Variants in FRMPD4 observed in about 807,000 individuals in gnomAD.
FRMPD4 encodes FERM and PDZ domain containing 4, also known as FERM and PDZ domain-containing protein 4.
In FRMPD4, 22 loss-of-function variants were observed where a neutral mutation model predicts 94.1. That is an observed-to-expected ratio of 0.23 (90% confidence interval 0.17 to 0.33). The LOEUF is 0.33. Ranked by LOEUF, FRMPD4 falls within the 10% of genes least tolerant of loss-of-function variation. FRMPD4 has a pLI of 1.00. For synonymous variants in FRMPD4, 631 were observed against 548.6 expected, an observed-to-expected ratio of 1.15 and a Z score of -2.10; for missense variants, 1,111 against 1,339.9, an observed-to-expected ratio of 0.83 and a Z score of 2.67.
Position 12,704,398 on chromosome X carries a change from G to A in FRMPD4, c.1110G>A (p.Val370=), listed in dbSNP as rs1218276897. 2 of 1,183,616 alleles carry A rather than the reference G, an allele frequency of 1.7e-6. No homozygotes were observed. Residue 370 remains valine, a synonymous_variant, in exon 11 of 17, where the codon GTG becomes GTA. Transcript: ENST00000675598. The part of the protein sequence containing the change: ...WGLETFLPSA[V]LQSMKEKNIK... ...TAGAGACTTTTCTTCCCTCTGCTGT[G>A]CTGCAAAGCATGAAAGAGAAGAACA... is the stretch of plus-strand genomic sequence containing the variant.
chrX:12,029,059 T>G (rs1303281830), intron 3 of FRMPD4, among the ~76,000 whole-genome samples: 1 of 112,338 alleles, frequency 8.9e-6, no homozygotes, highest in Non-Finnish European at 1.9e-5. Context: ...ACTGCTAAAC[T>G]GTCTTCCAAA....
chrX:11,882,549 G>T (rs1171616361), intron 3 of FRMPD4, among the ~76,000 whole-genome samples: 1 of 111,527 alleles, frequency 9.0e-6, no homozygotes, highest in Non-Finnish European at 1.9e-5. Flanking sequence ...CATGTGACAG[G>T]TCGCAGTAAA....
rs1220591699 is a variant in FRMPD4 at position 12,050,655 on chromosome X, G to T, written c.95+172637G>T. On this transcript the variant is annotated intron_variant, in intron 3 of 18. Transcript: ENST00000640291. ...CCATTTCTTTTTTACCCTATTAGTT[G>T]TTTCTAATTTTGAGGGGTTTATTCT... Among the ~76,000 whole-genome samples the T allele has an allele frequency of 2.7e-5, 3 of 109,960 alleles. No individual in the cohort carries two copies. In the Admixed American group the frequency reaches 2.9e-4, roughly 11 times the overall value.
In FRMPD4 at chrX:12,718,688, C is replaced by T. The variant is rs757533408; in HGVS notation, c.3862C>T (p.Arg1288Trp). 13 of 1,207,384 alleles carry T rather than the reference C, an allele frequency of 1.1e-5. No homozygotes were observed. The highest frequency in any genetic ancestry group is 5.9e-5 in the East Asian group (2 of 33,823). The change falls in exon 16 of 17, where the codon CGG becomes TGG. Residue 1288 changes from arginine (R) to tryptophan (W), a missense_variant. By Grantham distance (101) the Arg-to-Trp change is moderately radical. Transcript: ENST00000675598. ...LHPQTEGMCP[R>W]MTVPALHTAI... is the part of the protein sequence containing the mutation. Reference sequence around the variant, plus strand: ...CCCACAGACAGAAGGGATGTGTCCACGGATGACAGTGCCTGCTCTGCACAC... The same window carrying T: ...CCCACAGACAGAAGGGATGTGTCCATGGATGACAGTGCCTGCTCTGCACAC...
At chrX:12,234,625 A>C (rs1336483222) in intron 1 of FRMPD4, among the ~76,000 whole-genome samples, 1 of 111,976 alleles carries the variant, frequency 8.9e-6, no homozygotes, top group Non-Finnish European at 1.9e-5. Context: ...GAATGATGCC[A>C]ACCACCTCCA....
At chrX:12,463,153 A>G (rs139007190) in intron 1 of FRMPD4, among the ~76,000 whole-genome samples, 234 of 111,897 alleles carry the variant, frequency 2.1e-3, no homozygotes, top group Middle Eastern at 0.014. Context: ...TCTTTCTACA[A>G]ATTTAATCAG....
chrX:12,155,458 G>T (rs997871339), intron 1 of FRMPD4, among the ~76,000 whole-genome samples: 1 of 108,989 alleles, frequency 9.2e-6, no homozygotes. Flanking sequence ...GCCACTTTAG[G>T]GTTGGTAAAC....
At chrX:11,985,233 G>A (rs1446694936) in intron 3 of FRMPD4, among the ~76,000 whole-genome samples, 1 of 111,945 alleles carries the variant, frequency 8.9e-6, no homozygotes, top group East Asian at 2.8e-4. Flanking sequence ...AGGGCACCAG[G>A]GCAGAGTTGT....
chrX:12,514,408 T>C (rs2058075268), intron 2 of FRMPD4, among the ~76,000 whole-genome samples: 1 of 111,915 alleles, frequency 8.9e-6, no homozygotes, highest in Non-Finnish European at 1.9e-5. Flanking sequence ...ACCTAGCTTA[T>C]TGAGAGTTTT....
intron 3 of FRMPD4, among the ~76,000 whole-genome samples, chrX:11,920,215 T>C (rs767140357): frequency 1.8e-5 from 2 of 112,236 alleles, no homozygotes; most frequent in Non-Finnish European, 3.8e-5. Context: ...CATTTTTTCA[T>C]TTTTTTCACT....
chrX:11,943,489 C>T (rs941841047), intron 3 of FRMPD4, among the ~76,000 whole-genome samples: 4 of 110,492 alleles, frequency 3.6e-5, no homozygotes, highest in South Asian at 3.9e-4. Flanking sequence ...CTGCATTATC[C>T]CATGGCGGAA....
chrX:12,704,820 T>C (rs1238282818), intron 11 of FRMPD4, among the ~76,000 whole-genome samples: 1 of 112,214 alleles, frequency 8.9e-6, no homozygotes, highest in Non-Finnish European at 1.9e-5. Flanking sequence ...AATCATGCAA[T>C]TGCTTACTGC....
At chrX:11,963,900 T>G (rs891255196) in intron 3 of FRMPD4, among the ~76,000 whole-genome samples, 1 of 111,197 alleles carries the variant, frequency 9.0e-6, no homozygotes, top group African/African-American at 3.3e-5. Context: ...ACTATATAGG[T>G]GAAAAAATTC....
chrX:12,454,541 T>C (rs1338390728), intron 1 of FRMPD4, among the ~76,000 whole-genome samples: 2 of 110,589 alleles, frequency 1.8e-5, no homozygotes, highest in African/African-American at 6.6e-5. Flanking sequence ...GGTTTTTTTT[T>C]TTTTGCAAAG....
At chrX:12,678,975 C>A (rs2059933146) in intron 5 of FRMPD4, among the ~76,000 whole-genome samples, 1 of 112,536 alleles carries the variant, frequency 8.9e-6, no homozygotes, top group Non-Finnish European at 1.9e-5. Flanking sequence ...GCTGAGGGAC[C>A]CGCTTTCCTG....
chrX:12,572,565 T>TG (rs992302961), intron 2 of FRMPD4, among the ~76,000 whole-genome samples: 1 of 111,986 alleles, frequency 8.9e-6, no homozygotes, highest in Non-Finnish European at 1.9e-5. Context: ...CTTTTTGTTA[T>TG]GGGGGTGTCT....
At chrX:12,696,585 G>GAAAAAAAAAAAAAAAAAAA (rs2060133336) in intron 9 of FRMPD4, among the ~76,000 whole-genome samples, 1 of 9,065 alleles carries the variant, frequency 1.1e-4, no homozygotes, top group African/African-American at 6.9e-4. Context: ...CAAAAATGAA[G>GAAAAAAAAAAAAAAAAAAA]CAAAAAAAAA....
At chrX:12,079,190 C>T (rs951471215) in intron 3 of FRMPD4, among the ~76,000 whole-genome samples, 6 of 110,653 alleles carry the variant, frequency 5.4e-5, no homozygotes, top group Non-Finnish European at 1.1e-4. Flanking sequence ...GTATATTTTA[C>T]ACATTTCTAT....
At chrX:12,180,456 A>T (rs935875810) in intron 1 of FRMPD4, among the ~76,000 whole-genome samples, 2 of 112,060 alleles carry the variant, frequency 1.8e-5, no homozygotes, top group African/African-American at 6.5e-5. Flanking sequence ...TACCCATCGC[A>T]ATACATCATG....
Sources: allele counts gnomAD v4.1 joint callset (sites outside exome capture counted in the v4.1 genomes callset), GRCh38; gene constraint gnomAD v4.1.1; transcripts MANE v1.5; gene names NCBI Gene and HGNC (gene_info 2026-07-23, HGNC 2026-07-21).